Variants in MARCHF11 observed in about 807,000 individuals in gnomAD.
MARCHF11 encodes E3 ubiquitin-protein ligase MARCHF11.
MARCHF11 carries 29 observed loss-of-function variants against 37.3 expected under a neutral mutation model. The observed-to-expected ratio is 0.78, with a 90% CI of 0.58 to 1.06. MARCHF11 has a LOEUF of 1.06. Among genes scored for constraint, MARCHF11 ranks in the 50% least tolerant of loss-of-function variants. MARCHF11 has a pLI of 0.00. For missense variants in MARCHF11, 482 were observed against 533.4 expected (o/e 0.90, Z 0.95); for synonymous variants, 233 against 228.0 (o/e 1.02, Z -0.20).
chr5:16,119,665 T>A (rs1387910783), intron 2 of MARCHF11, among the ~76,000 whole-genome samples: 4 of 150,930 alleles, frequency 2.7e-5, no homozygotes, highest in East Asian at 1.9e-4. Context: ...TAAAAAAAAA[T>A]GCCTATTCAT....
At chr5:16,088,277 T>C (rs1036178083) in intron 3 of MARCHF11, among the ~76,000 whole-genome samples, 3 of 152,184 alleles carry the variant, frequency 2.0e-5, no homozygotes, top group Non-Finnish European at 4.4e-5. Context: ...CATCCCACTG[T>C]ATTCTAATCA....
At position 16,179,509 on chromosome 5, in the gene MARCHF11, G is replaced by C. The variant is rs1347508852; in HGVS notation, c.67C>G (p.Pro23Ala). Reference protein sequence around the residue: ...RGAESGDAEPPPQPPPPPPPT... With the variant: ...RGAESGDAEPAPQPPPPPPPT... ...GGCGGCGGCGGGGGAGGTTGCGGGG[G>C]AGGCTCGGCGTCCCCGCTCTCCGCC... The change falls in exon 1 of 4, where the codon CCC (proline) becomes GCC (alanine). Residue 23 changes from proline to alanine, a missense_variant. Coordinates refer to ENST00000332432, the MANE Select transcript of MARCHF11 (RefSeq NM_001102562.3). The C allele has an allele frequency of 2.6e-6, 3 of 1,172,680 alleles. No homozygotes were observed. Among genetic ancestry groups the C allele is most frequent in the Non-Finnish European group, 1.1e-6 (1 of 950,320 alleles). 72.6% of individuals were successfully genotyped at this position (1,172,680 alleles called of 1,614,324 possible).
intron 2 of MARCHF11, among the ~76,000 whole-genome samples, chr5:16,174,139 T>C (rs956083644): frequency 5.3e-5 from 8 of 152,206 alleles, no homozygotes; most frequent in Non-Finnish European, 1.0e-4. Flanking sequence ...TGTATAATGC[T>C]CCCAACATCT....
intron 2 of MARCHF11, among the ~76,000 whole-genome samples, chr5:16,104,358 T>G (rs1221810236): frequency 1.3e-5 from 2 of 152,104 alleles, no homozygotes; most frequent in Non-Finnish European, 2.9e-5. Context: ...GAGAAATGTT[T>G]TGGGGGTGAT....
intron 2 of MARCHF11, among the ~76,000 whole-genome samples, chr5:16,146,588 T>C (rs899751202): frequency 1.3e-5 from 2 of 152,136 alleles, no homozygotes; most frequent in Admixed American, 6.6e-5. Context: ...GTTTGGAGTA[T>C]ATGATGTCTA....
At chr5:16,101,196 T>A (rs1736951150) in intron 2 of MARCHF11, among the ~76,000 whole-genome samples, 1 of 152,190 alleles carries the variant, frequency 6.6e-6, no homozygotes, top group South Asian at 2.1e-4. Context: ...TGTCAGCAGC[T>A]TATTAGTCCA....
In MARCHF11 at chr5:16,161,236, T is replaced by G. The variant is rs1738072147; in HGVS notation, c.693+16490A>C. 3.1e-5 allele frequency among the ~76,000 whole-genome samples: 4 copies of G among 129,466 alleles called. No homozygotes were observed. In the South Asian group the frequency reaches 1.0e-3, roughly 33 times the overall value. 84.9% of individuals were successfully genotyped at this position (129,466 alleles called of 152,430 possible). A position where few individuals can be genotyped will look rare whatever the true frequency, so the allele number is the denominator to read the frequency against. On this transcript the variant is annotated intron_variant, in intron 2 of 3. Transcript: ENST00000332432. ...ACTTTTAACAGATGATCTAAATTAG[T>G]CCACTATGAAAGCAATCAGCCAAAT...
At chr5:16,079,553 G>T (rs1736572514) in intron 3 of MARCHF11, among the ~76,000 whole-genome samples, 1 of 152,114 alleles carries the variant, frequency 6.6e-6, no homozygotes, top group Non-Finnish European at 1.5e-5. Flanking sequence ...CATCCCTATT[G>T]GGCAACAGCC....
chr5:16,070,584 G>T (rs928346544), intron 3 of MARCHF11, among the ~76,000 whole-genome samples: 2 of 152,106 alleles, frequency 1.3e-5, no homozygotes, highest in South Asian at 4.1e-4. Context: ...CCTTTGCAAG[G>T]CCAGAAATCA....
intron 2 of MARCHF11, among the ~76,000 whole-genome samples, chr5:16,096,187 T>G (rs1736865474): frequency 6.6e-6 from 1 of 152,170 alleles, no homozygotes; most frequent in African/African-American, 2.4e-5. Flanking sequence ...CATACCTACT[T>G]GAAAGGTGGC....
intron 2 of MARCHF11, among the ~76,000 whole-genome samples, chr5:16,169,282 C>T (rs1341511740): frequency 1.3e-5 from 2 of 151,854 alleles, no homozygotes; most frequent in South Asian, 2.1e-4. Context: ...ACCCCCGACA[C>T]CCCATGCCCA....
intron 2 of MARCHF11, among the ~76,000 whole-genome samples, chr5:16,124,659 T>A (rs1737370735): frequency 6.6e-6 from 1 of 151,926 alleles, no homozygotes. Flanking sequence ...AGAAATGGAG[T>A]CAAAACTGGA....
At chr5:16,084,755 AG>A (rs375318080) in intron 3 of MARCHF11, among the ~76,000 whole-genome samples, 6,658 of 85,602 alleles carry the variant, frequency 0.078, 267 homozygotes, top group South Asian at 0.12. Context: ...TAGAAGGAGC[AG>A]TTTTTTTTTT....
intron 2 of MARCHF11, chr5:16,140,923 T>C (rs1035781903): frequency 3.3e-5 from 5 of 152,202 alleles, no homozygotes; most frequent in Admixed American, 1.3e-4. Context: ...AAGATCATAA[T>C]ACTAACATTT....
chr5:16,118,293 A>T (rs143990627), intron 2 of MARCHF11, among the ~76,000 whole-genome samples: 160 of 152,274 alleles, frequency 1.1e-3, no homozygotes, highest in African/African-American at 3.6e-3. Context: ...ACCAATCACA[A>T]ATGGGTTTTA....
At chr5:16,087,680 T>C (rs1736720854) in intron 3 of MARCHF11, among the ~76,000 whole-genome samples, 1 of 152,106 alleles carries the variant, frequency 6.6e-6, no homozygotes, top group Admixed American at 6.5e-5. Context: ...TCAACTATGA[T>C]AGCGGCTAGA....
rs765180115 is a variant in MARCHF11, at chr5:16,177,880, C to T, written c.539G>A (p.Gly180Asp). 1.9e-5 allele frequency: 30 copies of T among 1,603,870 alleles called. No individual in the cohort carries two copies. The highest frequency in any genetic ancestry group is 1.2e-5 in the Non-Finnish European group (14 of 1,176,078). The change falls in exon 2 of 4, where the codon GGT (glycine) becomes GAT (aspartate). Residue 180 changes from glycine (G) to aspartate (D), a missense_variant and splice_region_variant. Coordinates refer to ENST00000332432, the MANE Select transcript of MARCHF11 (RefSeq NM_001102562.3). ...CKICFQGAEQ[G>D]ELLNPCRCDG... ...ACATCGGCAGGGGTTCAACAACTCA[C>T]CCTAAAAAGAAAACAGCTCAGTGTG...
intron 2 of MARCHF11, among the ~76,000 whole-genome samples, chr5:16,160,181 G>T (rs1158894054): frequency 6.8e-6 from 1 of 147,240 alleles, no homozygotes; most frequent in Non-Finnish European, 1.5e-5. Flanking sequence ...TAAAATATTT[G>T]ATCATCAATA....
chr5:16,161,914 C>T (rs1738084429), intron 2 of MARCHF11, among the ~76,000 whole-genome samples: 1 of 151,962 alleles, frequency 6.6e-6, no homozygotes, highest in South Asian at 2.1e-4. Flanking sequence ...AATAATCCAT[C>T]TCAGAAACTG....
Sources: allele counts gnomAD v4.1 joint callset (sites outside exome capture counted in the v4.1 genomes callset), GRCh38; gene constraint gnomAD v4.1.1; transcripts MANE v1.5; gene names NCBI Gene and HGNC (gene_info 2026-07-23, HGNC 2026-07-21).